The following CRPPA variants were observed in gnomAD, a reference collection of about 807,000 sequenced individuals.
The protein encoded by CRPPA is D-ribitol-5-phosphate cytidylyltransferase.
In CRPPA, 43 loss-of-function variants were observed where a neutral mutation model predicts 52.0. The observed-to-expected ratio is 0.83, with a 90% CI of 0.65 to 1.07. CRPPA has a LOEUF of 1.07. Ranked by LOEUF, CRPPA falls within the 50% of genes least tolerant of loss-of-function variation. CRPPA has a pLI of 0.00. For missense variants in CRPPA, 629 were observed against 551.7 expected (o/e 1.14, Z -1.40); for synonymous variants, 250 against 203.5 (o/e 1.23, Z -1.94).
intron 9 of CRPPA, among the ~76,000 whole-genome samples, chr7:16,155,594 T>C (rs1783163073): frequency 6.6e-6 from 1 of 152,232 alleles, no homozygotes; most frequent in African/African-American, 2.4e-5. Flanking sequence ...ATACGACATA[T>C]TTTCTCTTCC....
At chr7:16,136,041 A>G (rs1006153846) in intron 9 of CRPPA, among the ~76,000 whole-genome samples, 2 of 152,078 alleles carry the variant, frequency 1.3e-5, no homozygotes, top group African/African-American at 4.8e-5. Context: ...CTGTCTCCCA[A>G]ATTCTCACAT....
At chr7:16,355,622 T>C (rs945364930) in intron 3 of CRPPA, among the ~76,000 whole-genome samples, 8 of 152,308 alleles carry the variant, frequency 5.3e-5, no homozygotes, top group Middle Eastern at 3.4e-3. Flanking sequence ...GGTATGGAAG[T>C]AGTCCCAAAG....
intron 1 of CRPPA, among the ~76,000 whole-genome samples, chr7:16,410,302 G>A (rs1788050462): frequency 6.6e-6 from 1 of 152,216 alleles, no homozygotes; most frequent in Non-Finnish European, 1.5e-5. Flanking sequence ...TCTGGAATAA[G>A]ACTAAACGTG....
chr7:16,136,767 T>G (rs1782770199), intron 9 of CRPPA, among the ~76,000 whole-genome samples: 2 of 152,168 alleles, frequency 1.3e-5, no homozygotes. Flanking sequence ...GTGAGAGTAG[T>G]AGGAAGTTTA....
At chr7:16,389,928 A>AAAAAAAAAAAAAAAATATATAT in intron 2 of CRPPA, among the ~76,000 whole-genome samples, 1 of 29,770 alleles carries the variant, frequency 3.4e-5, no homozygotes, top group Non-Finnish European at 5.3e-5. Context: ...AAAAAAAAAA[A>AAAAAAAAAAAAAAAATATATAT]ATATATATAT....
At chr7:16,250,129 T>C (rs184773290) in intron 8 of CRPPA, among the ~76,000 whole-genome samples, 29 of 152,150 alleles carry the variant, frequency 1.9e-4, no homozygotes, top group Non-Finnish European at 3.7e-4. Context: ...AGAAAGTATA[T>C]CAGTGATTAC....
At chr7:16,120,199 G>C (rs1019274703) in intron 9 of CRPPA, among the ~76,000 whole-genome samples, 6 of 152,144 alleles carry the variant, frequency 3.9e-5, no homozygotes, top group Non-Finnish European at 8.8e-5. Context: ...AAGCCCTTCA[G>C]GTGTTGACCT....
intron 3 of CRPPA, among the ~76,000 whole-genome samples, chr7:16,320,334 G>T (rs1785234206): frequency 6.6e-6 from 1 of 152,098 alleles, no homozygotes; most frequent in South Asian, 2.1e-4. Context: ...TTATTAACAT[G>T]AGGTAAATGA....
chr7:16,222,031 GA>G (rs1260706632), intron 8 of CRPPA, among the ~76,000 whole-genome samples: 1 of 150,824 alleles, frequency 6.6e-6, no homozygotes, highest in Non-Finnish European at 1.5e-5. Flanking sequence ...CAATAGCAAA[GA>G]CTTGGAACCA....
At chr7:16,297,840 A>G (rs1784706437) in intron 5 of CRPPA, among the ~76,000 whole-genome samples, 1 of 152,228 alleles carries the variant, frequency 6.6e-6, no homozygotes, top group Admixed American at 6.5e-5. Context: ...CTGGGCCTCC[A>G]GCTTGCAGCT....
intron 9 of CRPPA, among the ~76,000 whole-genome samples, chr7:16,157,690 C>G (rs989816379): frequency 1.3e-5 from 2 of 152,046 alleles, no homozygotes; most frequent in African/African-American, 2.4e-5. Flanking sequence ...GGGTTTTAAA[C>G]TGCCAAATAG....
At chr7:16,397,763 G>C (rs1481572163) in intron 2 of CRPPA, among the ~76,000 whole-genome samples, 1 of 152,220 alleles carries the variant, frequency 6.6e-6, no homozygotes, top group East Asian at 1.9e-4. Flanking sequence ...ATTGGCACGT[G>C]ATTGGCACGT....
At chr7:16,209,112 C>A (rs979467050) in intron 9 of CRPPA, 10 of 355,656 alleles carry the variant, frequency 2.8e-5, no homozygotes, top group African/African-American at 2.1e-4. Context: ...AGCCAATTAT[C>A]CAGAAAAAGC....
At chr7:16,328,877 G>GT (rs1291217947) in intron 3 of CRPPA, among the ~76,000 whole-genome samples, 2 of 151,978 alleles carry the variant, frequency 1.3e-5, no homozygotes, top group East Asian at 1.9e-4. Context: ...GCAATTTGGG[G>GT]TTTCTTTTAA....
chr7:16,378,254 TC>T (rs1418108753), intron 2 of CRPPA, among the ~76,000 whole-genome samples: 3 of 79,342 alleles, frequency 3.8e-5, no homozygotes, highest in East Asian at 4.8e-4. Context: ...ATGCTATCCC[TC>T]CCCCCTCCCC....
intron 3 of CRPPA, among the ~76,000 whole-genome samples, chr7:16,313,633 G>T (rs1479877814): frequency 6.6e-6 from 1 of 151,786 alleles, no homozygotes; most frequent in East Asian, 1.9e-4. Flanking sequence ...CTGATTTTAG[G>T]TCTTTCTTTT....
At chr7:16,361,719 C>T (rs1231313474) in intron 3 of CRPPA, among the ~76,000 whole-genome samples, 2 of 152,116 alleles carry the variant, frequency 1.3e-5, no homozygotes, top group Non-Finnish European at 2.9e-5. Flanking sequence ...TTAATAAGCA[C>T]AAAGTGAAAG....
chr7:16,396,748 C>A (rs1202532845), intron 2 of CRPPA, among the ~76,000 whole-genome samples: 1 of 152,146 alleles, frequency 6.6e-6, no homozygotes, highest in Non-Finnish European at 1.5e-5. Context: ...TATGACATGA[C>A]TGATAGAAAA....
intron 9 of CRPPA, among the ~76,000 whole-genome samples, chr7:16,202,056 G>C (rs1781872854): frequency 2.0e-5 from 3 of 152,118 alleles, no homozygotes; most frequent in African/African-American, 7.2e-5. Flanking sequence ...AGTTTATCAT[G>C]ATTGGTGCTG....
Sources: gnomAD v4.1 joint callset for allele counts (sites outside exome capture counted in the v4.1 genomes callset) on GRCh38, gnomAD v4.1.1 for gene constraint, MANE v1.5 for transcripts, NCBI Gene and HGNC (gene_info 2026-07-23, HGNC 2026-07-21) for gene names.